The following LBX2 variants were observed in gnomAD, a reference collection of about 807,000 sequenced individuals.
LBX2 encodes the protein transcription factor LBX2.
LBX2 carries 6 observed loss-of-function variants against 7.5 expected under a neutral mutation model. That is an observed-to-expected ratio of 0.80 (90% CI 0.44 to 1.59). The LOEUF (loss-of-function observed/expected upper bound fraction) is 1.59. LBX2 is among the 40% of genes most tolerant of loss of function. The probability of loss-of-function intolerance (pLI) is 0.01; values close to 1 mark genes in which losing one functional copy is unlikely to be tolerated. For synonymous variants in LBX2, 143 were observed against 133.2 expected (o/e 1.07, Z -0.51); for missense variants, 281 against 282.0 (o/e 1.00, Z 0.03).
Position 74,498,045 on chromosome 2 carries a change from TC to T in LBX2, c.478del (p.Glu160LysfsTer6), listed in dbSNP as rs1260920633. 4 of 1,613,546 alleles carry T rather than the reference TC, an allele frequency of 2.5e-6. No homozygotes were observed. The highest frequency in any genetic ancestry group is 3.4e-6 in the Non-Finnish European group (4 of 1,179,864). On this transcript the variant is annotated frameshift_variant, in exon 2 of 2. Coordinates refer to ENST00000377566, the MANE Select transcript of LBX2 (RefSeq NM_001282430.2). LOFTEE classifies it low-confidence loss of function (END_TRUNC). Reference sequence around the variant, plus strand: ...GGGCAGTGCTAAGCTGCACAGGACTTCCGGGGACAACGCGCGTAGCGAGGCG... The same window carrying T: ...GGGCAGTGCTAAGCTGCACAGGACTTCGGGGACAACGCGCGTAGCGAGGCG... ...DVASLRALSP[E>X]VLCSLALPEG...
upstream of LBX2, among the ~76,000 whole-genome samples, chr2:74,500,355 A>G (rs1179861549): frequency 2.6e-5 from 4 of 152,122 alleles, no homozygotes; most frequent in African/African-American, 9.7e-5. Flanking sequence ...GAGGACTGGC[A>G]AAATCAGTCG....
At chr2:74,501,521 T>G (rs1674483661), upstream of LBX2, 1 of 152,242 alleles carries the variant, frequency 6.6e-6, no homozygotes, top group African/African-American at 2.4e-5. Context: ...AGTGTGGAGC[T>G]CTGCTGATGG....
intron 1 of LBX2, 48 bp from the exon 2 acceptor site, chr2:74,498,366 T>G: frequency 7.7e-6 from 11 of 1,429,648 alleles, no homozygotes; most frequent in Admixed American, 2.8e-5. Context: ...GGAATCAGGC[T>G]GGGCCTGGAA....
upstream of LBX2, among the ~76,000 whole-genome samples, chr2:74,500,136 A>C (rs1674454061): frequency 6.6e-6 from 1 of 152,124 alleles, no homozygotes; most frequent in African/African-American, 2.4e-5. Context: ...CGGGGGCGCA[A>C]CACTTGGGAG....
Position 74,498,185 on chromosome 2 carries a change from G to A in LBX2, c.339C>T (p.Ser113=). ...GTCGCGTAGCTAGCCCGTCTCGCTC[G>A]GACGGCGCCAGGTACTTCTGGAAGA... ...RFVFQKYLAP[S]ERDGLATRLG... Residue 113 remains serine, a synonymous_variant, in exon 2 of 2, where the codon TCC becomes TCT. Coordinates refer to ENST00000377566, the MANE Select transcript of LBX2 (RefSeq NM_001282430.2). 2 of 1,612,324 alleles carry A rather than the reference G, an allele frequency of 1.2e-6. No homozygotes were observed. The highest frequency in any genetic ancestry group is 1.7e-6 in the Non-Finnish European group (2 of 1,179,498).
At chr2:74,503,062 G>C (rs1005744122), upstream of LBX2, 4 of 540,174 alleles carry the variant, frequency 7.4e-6, no homozygotes, top group Non-Finnish European at 1.3e-5. The surrounding 1 kb of genome is among the most constrained non-coding windows in gnomAD (Gnocchi z 5.1). Flanking sequence ...AGTGCGTCCG[G>C]GGGTGCAGAC....
At chr2:74,498,574 A>G in intron 1 of LBX2, 1 of 523,908 alleles carries the variant, frequency 1.9e-6, no homozygotes, top group East Asian at 3.2e-5. Context: ...GAAGTGAAGG[A>G]AGGGAGGGAT....
In LBX2 at chr2:74,499,419, C is replaced by T; in HGVS notation, c.119G>A (p.Gly40Asp). Reference protein sequence around the residue: ...SAPQLPESGPGPTSPLCALEE... With the variant: ...SAPQLPESGPDPTSPLCALEE... ...CAGCGCGCACAGCGGCGACGTTGGA[C>T]CCGGACCCGACTCTGGAAGCTGCGG... Residue 40 changes from glycine (G) to aspartate (D), a missense_variant, in exon 1 of 2, where the codon GGT becomes GAT. Transcript: ENST00000377566. The surrounding 1 kb of genome is among the most constrained non-coding windows in gnomAD (Gnocchi z 4.6). The T allele has an allele frequency of 3.9e-6, 6 of 1,550,642 alleles. 1 individual carries two copies. Among genetic ancestry groups the T allele is most frequent in the Middle Eastern group, 1.7e-4 (1 of 5,992 alleles).
Position 74,498,077 on chromosome 2 carries a change from GGC to G in LBX2, c.445_446del (p.Ala149ArgfsTer35), listed in dbSNP as rs1251429948. On this transcript the variant is annotated frameshift_variant, in exon 2 of 2. Transcript: ENST00000377566. LOFTEE classifies it low-confidence loss of function (END_TRUNC). The part of the protein sequence containing the change: ...KLKRDVEEMR[A>X]DVASLRALSP... ...ACAACGCGCGTAGCGAGGCGACGTC[GGC>G]GCGCATCTCCTCCACATCGCGCTTG... The G allele has an allele frequency of 6.2e-7, 1 of 1,613,468 alleles. No individual in the cohort carries two copies. The highest frequency in any genetic ancestry group is 2.2e-5 in the East Asian group (1 of 44,872).
At chr2:74,499,640 G>GC, upstream of LBX2, 1 of 1,273,316 alleles carries the variant, frequency 7.9e-7, no homozygotes, top group Non-Finnish European at 1.1e-6. The surrounding 1 kb of genome is among the most constrained non-coding windows in gnomAD (Gnocchi z 4.6). Flanking sequence ...CCTCGGACCC[G>GC]CCCCCGGCTC....
At position 74,499,587 on chromosome 2, in the gene LBX2, A is replaced by G. The variant is rs1674442106; in HGVS notation, c.-50T>C. The G allele has an allele frequency of 6.6e-7, 1 of 1,519,870 alleles. No individual in the cohort carries two copies. Among genetic ancestry groups the G allele is most frequent in the Middle Eastern group, 2.3e-4 (1 of 4,304 alleles). 94.1% of individuals were successfully genotyped at this position (1,519,870 alleles called of 1,614,324 possible). A position where few individuals can be genotyped will look rare whatever the true frequency, so the allele number is the denominator to read the frequency against. ...GCTGTCCGTTGCGCTAGGCTCCGCA[A>G]ACGCCTGGGCCCCAGTGCTCGGCTC... On this transcript the variant is annotated 5_prime_UTR_variant, in exon 1 of 2. Transcript: ENST00000377566. The surrounding 1 kb of genome is among the most constrained non-coding windows in gnomAD (Gnocchi z 4.6).
At position 74,499,407 on chromosome 2, in the gene LBX2, G is replaced by A. The variant is rs1027288439; in HGVS notation, c.131C>T (p.Pro44Leu). ...AGTCAGCTCCTCCAGCGCGCACAGC[G>A]GCGACGTTGGACCCGGACCCGACTC... The part of the protein sequence containing the change: ...LPESGPGPTS[P>L]LCALEELTSK... The change falls in exon 1 of 2, where the codon CCG becomes CTG. Residue 44 changes from proline to leucine, a missense_variant. Pro to Leu is a moderately conservative substitution (Grantham distance 98). Coordinates refer to ENST00000377566, the MANE Select transcript of LBX2 (RefSeq NM_001282430.2). This position sits in a 1 kb window ranked among gnomAD's most constrained non-coding sequence, Gnocchi z 4.6. 2 of 1,550,646 alleles carry A rather than the reference G, an allele frequency of 1.3e-6. No individual in the cohort carries two copies. Among genetic ancestry groups the A allele is most frequent in the Non-Finnish European group, 8.7e-7 (1 of 1,147,006 alleles).
upstream of LBX2, chr2:74,502,418 G>T (rs1432829310): frequency 3.7e-6 from 2 of 538,914 alleles, no homozygotes; most frequent in South Asian, 5.0e-5. This position sits in a 1 kb window ranked among gnomAD's most constrained non-coding sequence, Gnocchi z 5.4. Context: ...AGGGTTGGAG[G>T]ACCCTCGGAA....
intron 1 of LBX2, chr2:74,498,992 C>T (rs1674425354): frequency 2.9e-6 from 1 of 348,256 alleles, no homozygotes; most frequent in African/African-American, 2.1e-5. Flanking sequence ...TTTGCAGGCT[C>T]ACTCGTTTAC....
Position 74,497,600 on chromosome 2 carries a change from T to G in LBX2, c.*327A>C, listed in dbSNP as rs1252808573. The G allele has an allele frequency of 3.9e-5, 10 of 253,716 alleles. No homozygotes were observed. The highest frequency in any genetic ancestry group is 5.9e-5 in the Non-Finnish European group (8 of 134,882). 15.7% of individuals were successfully genotyped at this position (253,716 alleles called of 1,614,324 possible). A position where few individuals can be genotyped will look rare whatever the true frequency, so the allele number is the denominator to read the frequency against. ...GGGACCTCCTCTCTAAAAAAAAAAGTTTTTTAAATTAGCCTGGGGTGGTGC... is the reference window on the plus strand; with the variant it reads ...GGGACCTCCTCTCTAAAAAAAAAAGGTTTTTAAATTAGCCTGGGGTGGTGC... On this transcript the variant is annotated 3_prime_UTR_variant, in exon 2 of 2. Coordinates refer to ENST00000377566, the MANE Select transcript of LBX2 (RefSeq NM_001282430.2).
chr2:74,497,776 AC>A lies in LBX2; in HGVS notation c.*150del. 1 of 852,140 alleles carries A rather than the reference AC, an allele frequency of 1.2e-6. No individual in the cohort carries two copies. Among genetic ancestry groups the A allele is most frequent in the South Asian group, 2.2e-5 (1 of 45,708 alleles). 52.8% of individuals were successfully genotyped at this position (852,140 alleles called of 1,614,324 possible). On this transcript the variant is annotated 3_prime_UTR_variant, in exon 2 of 2. Coordinates refer to ENST00000377566, the MANE Select transcript of LBX2 (RefSeq NM_001282430.2). ...CTGTCTCAGACAACAAAACAAACTT[AC>A]AAAAAAACCGGGAAAGGTGAGCGTC... is the stretch of plus-strand genomic sequence containing the variant.
In LBX2 at chr2:74,499,347, A is replaced by G. The variant is rs1674434701; in HGVS notation, c.191T>C (p.Leu64Pro). The change falls in exon 1 of 2, where the codon CTG (leucine) becomes CCG (proline). Residue 64 changes from leucine to proline, a missense_variant. This residue lies in a region of LBX2 where 216 missense variants were observed against 208.7 expected (regional missense o/e 1.03). Transcript: ENST00000377566. This position sits in a 1 kb window ranked among gnomAD's most constrained non-coding sequence, Gnocchi z 4.6. ...CGGCTCTATACCTTCAGAGGGCTGC[A>G]GAGCGCGCGCGTCAAGTCCGCGGAA... ...KTFRGLDARA[L>P]QPSEGRAGPD... The G allele has an allele frequency of 2.6e-6, 4 of 1,550,600 alleles. No individual in the cohort carries two copies. The highest frequency in any genetic ancestry group is 2.6e-6 in the Non-Finnish European group (3 of 1,146,964).
chr2:74,498,301 C>A lies in LBX2; in HGVS notation c.223G>T (p.Ala75Ser), dbSNP rs758910047. Residue 75 changes from alanine to serine, a missense_variant, in exon 2 of 2, where the codon GCG (alanine) becomes TCG (serine). Ala to Ser is a moderately conservative substitution (Grantham distance 99). Around this residue, in one of 3 missense-constraint regions of LBX2, gnomAD observed 216 missense variants for 208.7 expected, o/e 1.03. Transcript: ENST00000377566. The part of the protein sequence containing the change: ...QPSEGRAGPD[A>S]LGPGPFGRKR... ...CGGCCGAAGGGACCAGGGCCCAGCG[C>A]GTCCGGACCTGCCCGCCCTGTAGGG... 3 of 1,551,400 alleles carry A rather than the reference C, an allele frequency of 1.9e-6. No homozygotes were observed.
chr2:74,503,170 C>A, upstream of LBX2: 1 of 340,796 alleles, frequency 2.9e-6, no homozygotes, highest in Non-Finnish European at 5.4e-6. This position sits in a 1 kb window ranked among gnomAD's most constrained non-coding sequence, Gnocchi z 5.1. Context: ...AGAGAGGACC[C>A]TGGGCGTGAT....
Sources: gnomAD v4.1 joint callset for allele counts (sites outside exome capture counted in the v4.1 genomes callset) on GRCh38, gnomAD v4.1.1 for gene constraint, gnomAD v4.1.1 regional missense constraint, Gnocchi (gnomAD v3.1) non-coding constraint, MANE v1.5 for transcripts, NCBI Gene and HGNC (gene_info 2026-07-23, HGNC 2026-07-21) for gene names.